TLL2: variants seen among roughly 807,000 people sequenced by gnomAD.
TLL2 encodes tolloid-like protein 2.
In TLL2, 106 loss-of-function variants were observed where a neutral mutation model predicts 123.0. The observed-to-expected ratio is 0.86, with a 90% confidence interval of 0.74 to 1.01. TLL2 has a LOEUF of 1.01. Among genes scored for constraint, TLL2 ranks in the 50% least tolerant of loss-of-function variants. TLL2 has a pLI of 0.00. For synonymous variants in TLL2, 494 were observed against 516.8 expected (o/e 0.96, Z 0.60); for missense variants, 1,332 against 1,336.7 (o/e 1.00, Z 0.06).
intron 1 of TLL2, among the ~76,000 whole-genome samples, chr10:96,493,466 T>C (rs1179838418): frequency 1.3e-5 from 2 of 152,052 alleles, no homozygotes; most frequent in African/African-American, 4.8e-5. Context: ...CAAGGCACTG[T>C]CAGGGCAGGA....
chr10:96,439,532 T>A (rs1846830986), intron 3 of TLL2, among the ~76,000 whole-genome samples: 1 of 152,190 alleles, frequency 6.6e-6, no homozygotes, highest in African/African-American at 2.4e-5. Context: ...GCTGCTAACA[T>A]CACCAACATC....
At chr10:96,421,129 GAGA>G (rs1344010625) in intron 6 of TLL2, 68 bp from the exon 7 acceptor site, 2 of 1,221,146 alleles carry the variant, frequency 1.6e-6, no homozygotes, top group East Asian at 2.3e-5. Context: ...GCAGAGGAAG[GAGA>G]AGGAGGGCCC....
At chr10:96,450,021 T>C (rs1261641985) in intron 2 of TLL2, among the ~76,000 whole-genome samples, 1 of 152,198 alleles carries the variant, frequency 6.6e-6, no homozygotes, top group Admixed American at 6.5e-5. Context: ...ATTTAGCTTT[T>C]CACATCTTGA....
chr10:96,444,051 A>G (rs753901603), intron 3 of TLL2, among the ~76,000 whole-genome samples: 20 of 152,224 alleles, frequency 1.3e-4, no homozygotes, highest in Non-Finnish European at 2.8e-4. Context: ...AAACATAGGA[A>G]AAAATGTTCA....
At chr10:96,407,443 C>T (rs1846461584) in intron 9 of TLL2, among the ~76,000 whole-genome samples, 2 of 152,302 alleles carry the variant, frequency 1.3e-5, no homozygotes, top group South Asian at 2.1e-4. Context: ...TGGGGAAATA[C>T]TTGCCCTCTA....
At chr10:96,424,167 G>C (rs995496143) in intron 5 of TLL2, among the ~76,000 whole-genome samples, 18 of 152,096 alleles carry the variant, frequency 1.2e-4, no homozygotes, top group African/African-American at 4.1e-4. Context: ...GAAGGGTAGT[G>C]GGGGACTGGT....
At chr10:96,484,907 G>A (rs12248019) in intron 1 of TLL2, among the ~76,000 whole-genome samples, 58,874 of 151,924 alleles carry the variant, frequency 0.39, 11,859 homozygotes, top group East Asian at 0.73. Context: ...TATAGCTTTC[G>A]AAACTTTGAA....
At chr10:96,464,956 A>G (rs1000752585) in intron 2 of TLL2, among the ~76,000 whole-genome samples, 1 of 152,250 alleles carries the variant, frequency 6.6e-6, no homozygotes, top group African/African-American at 2.4e-5. Context: ...ATTTTATCAC[A>G]TGGTCTTTGC....
intron 2 of TLL2, among the ~76,000 whole-genome samples, chr10:96,459,471 G>A (rs899667900): frequency 8.6e-5 from 13 of 151,210 alleles, no homozygotes; most frequent in African/African-American, 2.9e-4. Flanking sequence ...TTGAGATCAG[G>A]AGTTTGAGAC....
chr10:96,383,183 A>C (rs1009025540), intron 16 of TLL2, among the ~76,000 whole-genome samples: 1 of 152,200 alleles, frequency 6.6e-6, no homozygotes. Flanking sequence ...CACGCTAAGG[A>C]GAATGGGCTT....
intron 3 of TLL2, among the ~76,000 whole-genome samples, chr10:96,441,522 A>G (rs757332046): frequency 3.3e-5 from 5 of 152,234 alleles, no homozygotes; most frequent in Non-Finnish European, 5.9e-5. Context: ...CCAGGTGATT[A>G]CAAAGCTCAG....
chr10:96,378,920 C>T (rs760801192), intron 17 of TLL2, 47 bp downstream of exon 17: 27 of 1,606,918 alleles, frequency 1.7e-5, no homozygotes, highest in East Asian at 4.5e-5. Context: ...GCATGGGGTG[C>T]GGCGAAGGGC....
At chr10:96,466,272 A>G (rs1847131176) in intron 2 of TLL2, among the ~76,000 whole-genome samples, 1 of 152,222 alleles carries the variant, frequency 6.6e-6, no homozygotes, top group African/African-American at 2.4e-5. Flanking sequence ...AAGGCTCCTT[A>G]AAGAGGACCA....
In TLL2 at chr10:96,428,674, T is replaced by A; in HGVS notation, c.595A>T (p.Thr199Ser). The stretch of plus-strand genomic sequence containing the variant: ...AATACAATAAAGCTTTCCTCATCCG[T>A]CCTTTCTATGAAGGTCACACAGGTG... ...KHTCVTFIERTDEESFIVFSY... is the reference protein window; with the variant it reads ...KHTCVTFIERSDEESFIVFSY... Residue 199 changes from threonine to serine, a missense_variant, in exon 5 of 21, where the codon ACG (threonine) becomes TCG (serine). By Grantham distance (58) the Thr-to-Ser change is moderately conservative. Coordinates refer to ENST00000357947, the MANE Select transcript of TLL2 (RefSeq NM_012465.4). The A allele has an allele frequency of 6.2e-7, 1 of 1,614,130 alleles. No individual in the cohort carries two copies.
intron 4 of TLL2, among the ~76,000 whole-genome samples, chr10:96,429,044 C>T (rs1391410470): frequency 2.6e-5 from 4 of 152,082 alleles, no homozygotes; most frequent in Non-Finnish European, 4.4e-5. Flanking sequence ...CTCAGGTGAT[C>T]CGCCAGCCTC....
chr10:96,415,233 C>T (rs1465452258), intron 7 of TLL2, among the ~76,000 whole-genome samples: 1 of 152,214 alleles, frequency 6.6e-6, no homozygotes, highest in Non-Finnish European at 1.5e-5. Flanking sequence ...TTATTTTAAG[C>T]AACACTGAGC....
chr10:96,452,080 C>T (rs963864715), intron 2 of TLL2, among the ~76,000 whole-genome samples: 11 of 152,282 alleles, frequency 7.2e-5, no homozygotes, highest in Non-Finnish European at 1.3e-4. Context: ...TTGGGCAGCA[C>T]TGTGCTGGAT....
intron 18 of TLL2, chr10:96,374,650 A>G (rs1162128186): frequency 6.6e-6 from 1 of 152,076 alleles, no homozygotes; most frequent in Non-Finnish European, 1.5e-5. Context: ...GGCCTGCCCC[A>G]GCTCACACAG....
chr10:96,403,972 GA>G (rs35990683), intron 10 of TLL2, among the ~76,000 whole-genome samples: 43,028 of 149,918 alleles, frequency 0.29, 5,886 homozygotes, highest in Middle Eastern at 0.36. Context: ...ACCTTCCCTT[GA>G]ACTTAATTAT....
Sources: allele counts gnomAD v4.1 joint callset (sites outside exome capture counted in the v4.1 genomes callset), GRCh38; gene constraint gnomAD v4.1.1; transcripts MANE v1.5; gene names NCBI Gene and HGNC (gene_info 2026-07-23, HGNC 2026-07-21).